The following RAPGEF4 variants were observed in gnomAD, a reference collection of about 807,000 sequenced individuals.
RAPGEF4 encodes RAP guanine-nucleotide-exchange factor (GEF) 4.
Under a neutral mutation model 147.9 loss-of-function variants are expected in RAPGEF4, and 66 were observed. The ratio of observed to expected loss-of-function variants is 0.45; its 90% CI spans 0.37 to 0.55. RAPGEF4 has a LOEUF of 0.55. Ranked by LOEUF, RAPGEF4 falls within the 20% of genes least tolerant of loss-of-function variation. RAPGEF4 has a pLI of 0.00. For synonymous variants in RAPGEF4, 419 were observed against 442.7 expected, an observed-to-expected ratio of 0.95 and a Z score of 0.67; for missense variants, 1,071 against 1,257.3, an observed-to-expected ratio of 0.85 and a Z score of 2.24.
chr2:173,020,451 T>C (rs1695972681), intron 22 of RAPGEF4, among the ~76,000 whole-genome samples, 167 bp from the exon 23 acceptor site: 1 of 152,232 alleles, frequency 6.6e-6, no homozygotes, highest in African/African-American at 2.4e-5. Flanking sequence ...CAGGGCTGCA[T>C]GAATGCCGTC....
rs529740796 is a variant in RAPGEF4, at chr2:172,802,920, A to G, written c.297+5307A>G. Among the ~76,000 whole-genome samples the G allele has an allele frequency of 4.6e-5, 7 of 152,314 alleles. No homozygotes were observed. The South Asian group carries it at 1.5e-3, about 32-fold the overall frequency. On this transcript the variant is annotated intron_variant, in intron 3 of 30. Coordinates refer to ENST00000397081, the MANE Select transcript of RAPGEF4 (RefSeq NM_007023.4). ...GGGCAGTCAAATCTTAAAGCTCCAA[A>G]ATGATCTCCTTTGACTCTATGTCTC... is the stretch of plus-strand genomic sequence containing the variant.
intron 4 of RAPGEF4, among the ~76,000 whole-genome samples, chr2:172,835,874 A>G (rs1274193967): frequency 6.6e-6 from 1 of 152,218 alleles, no homozygotes; most frequent in African/African-American, 2.4e-5. Flanking sequence ...AGAAAGAACT[A>G]AGACTAGCGA....
rs574900319 is a variant in RAPGEF4 at position 172,746,698 on chromosome 2, C to T, written c.65+10650C>T. Among the ~76,000 whole-genome samples, 77 of 151,962 alleles carry T rather than the reference C, an allele frequency of 5.1e-4. 1 individual carries two copies. Among genetic ancestry groups the T allele is most frequent in the African/African-American group, 1.4e-3 (58 of 41,440 alleles). ...CATGATCTCAGCTCACTGCAAACTC[C>T]GCCTCCCGGGTTCAAGCAATTCTCC... is the stretch of plus-strand genomic sequence containing the variant. On this transcript the variant is annotated intron_variant, in intron 1 of 30. Coordinates refer to ENST00000397081, the MANE Select transcript of RAPGEF4 (RefSeq NM_007023.4).
At chr2:172,807,865 C>T (rs149925639) in intron 3 of RAPGEF4, among the ~76,000 whole-genome samples, 1 of 152,262 alleles carries the variant, frequency 6.6e-6, no homozygotes, top group East Asian at 1.9e-4. Context: ...ATAAATTTGC[C>T]ATGAGACAAT....
intron 1 of RAPGEF4, among the ~76,000 whole-genome samples, chr2:172,741,004 A>T (rs1694247806): frequency 6.6e-6 from 1 of 152,204 alleles, no homozygotes. Context: ...CGTTTTCTGC[A>T]TTTACAATGA....
At chr2:172,972,364 T>C (rs1443338564) in intron 10 of RAPGEF4, among the ~76,000 whole-genome samples, 4 of 152,192 alleles carry the variant, frequency 2.6e-5, no homozygotes, top group Admixed American at 6.5e-5. Context: ...AAGCCTAAAA[T>C]TGGTGGTGGT....
intron 4 of RAPGEF4, among the ~76,000 whole-genome samples, chr2:172,859,656 AG>A (rs1693804231): frequency 6.6e-6 from 1 of 152,224 alleles, no homozygotes; most frequent in Non-Finnish European, 1.5e-5. Context: ...TGGTGGAAAA[AG>A]GAAGAGATTT....
At chr2:172,832,860 T>C (rs1248869909) in intron 4 of RAPGEF4, among the ~76,000 whole-genome samples, 2 of 152,240 alleles carry the variant, frequency 1.3e-5, no homozygotes, top group African/African-American at 4.8e-5. Flanking sequence ...GGTTGGCTAA[T>C]AGAATTGGCT....
At chr2:172,964,069 G>T (rs1689579002) in intron 8 of RAPGEF4, among the ~76,000 whole-genome samples, 1 of 152,128 alleles carries the variant, frequency 6.6e-6, no homozygotes, top group South Asian at 2.1e-4. Context: ...AAAGCCAAAT[G>T]AAATTGATTT....
chr2:172,877,903 A>G (rs943255239), intron 4 of RAPGEF4, among the ~76,000 whole-genome samples: 8 of 152,198 alleles, frequency 5.3e-5, no homozygotes, highest in Admixed American at 1.3e-4. Flanking sequence ...GAAATCTGCA[A>G]TATGAATAGA....
intron 4 of RAPGEF4, 60 bp downstream of exon 4, chr2:172,814,485 C>T: frequency 6.5e-7 from 1 of 1,546,516 alleles, no homozygotes; most frequent in Non-Finnish European, 8.9e-7. Context: ...GGAGCTGCCA[C>T]ATGGATAATG....
intron 1 of RAPGEF4, among the ~76,000 whole-genome samples, chr2:172,788,388 A>G (rs1053144941): frequency 3.3e-5 from 5 of 152,224 alleles, no homozygotes; most frequent in Non-Finnish European, 5.9e-5. Flanking sequence ...AAGCTCCAAG[A>G]AGGGAGTGAA....
chr2:173,021,255 A>G (rs1242435982), intron 23 of RAPGEF4, among the ~76,000 whole-genome samples: 2 of 152,168 alleles, frequency 1.3e-5, no homozygotes, highest in East Asian at 3.9e-4. Flanking sequence ...CACACTAATA[A>G]CTGAGTAGCC....
intron 4 of RAPGEF4, among the ~76,000 whole-genome samples, chr2:172,865,551 C>A (rs1238293463): frequency 6.6e-6 from 1 of 152,148 alleles, no homozygotes; most frequent in Non-Finnish European, 1.5e-5. Flanking sequence ...TCTTTCTTCC[C>A]AAAGTCTGGC....
intron 1 of RAPGEF4, among the ~76,000 whole-genome samples, chr2:172,745,046 G>C (rs1694647425): frequency 6.6e-6 from 1 of 151,916 alleles, no homozygotes; most frequent in South Asian, 2.1e-4. Context: ...ATTCATGAGG[G>C]ATATTAGCCT....
rs1257838361 is a variant in RAPGEF4 at position 173,052,521 on chromosome 2, A to G, written c.*754A>G. 1 of 152,618 alleles carries G rather than the reference A, an allele frequency of 6.6e-6. No homozygotes were observed. Among genetic ancestry groups the G allele is most frequent in the Non-Finnish European group, 1.5e-5 (1 of 68,024 alleles). 9.5% of individuals were successfully genotyped at this position (152,618 alleles called of 1,614,324 possible). A position where few individuals can be genotyped will look rare whatever the true frequency, so the allele number is the denominator to read the frequency against. On this transcript the variant is annotated 3_prime_UTR_variant, in exon 31 of 31. Coordinates refer to ENST00000397081, the MANE Select transcript of RAPGEF4 (RefSeq NM_007023.4). The stretch of plus-strand genomic sequence containing the variant: ...CAGAAGAGCACAATATGCATAAAAC[A>G]TTTTTCAAAATTGAAATATTTTCCT...
At chr2:173,047,897 C>T (rs955056542) in intron 29 of RAPGEF4, among the ~76,000 whole-genome samples, 4 of 152,060 alleles carry the variant, frequency 2.6e-5, no homozygotes, top group Non-Finnish European at 4.4e-5. Context: ...AGGATGGTCT[C>T]GATCTCCTGA....
chr2:172,940,900 T>C (rs1687077562), intron 6 of RAPGEF4, among the ~76,000 whole-genome samples: 1 of 152,224 alleles, frequency 6.6e-6, no homozygotes, highest in Non-Finnish European at 1.5e-5. Context: ...ATTTTCTTCA[T>C]CAGTATTTTG....
At chr2:172,995,686 A>G (rs915016331) in intron 15 of RAPGEF4, among the ~76,000 whole-genome samples, 3 of 152,168 alleles carry the variant, frequency 2.0e-5, no homozygotes, top group African/African-American at 7.2e-5. Context: ...TACAGCTCCC[A>G]CATAGTAGTG....
Sources: allele counts gnomAD v4.1 joint callset (sites outside exome capture counted in the v4.1 genomes callset), GRCh38; gene constraint gnomAD v4.1.1; transcripts MANE v1.5; gene names NCBI Gene and HGNC (gene_info 2026-07-23, HGNC 2026-07-21).